CSMD1: variants seen among roughly 807,000 people sequenced by gnomAD.
The protein encoded by CSMD1 is CUB and Sushi multiple domains 1.
CSMD1 carries 213 observed loss-of-function variants against 417.5 expected under a neutral mutation model. The observed-to-expected ratio is 0.51, with a 90% CI of 0.46 to 0.57. The LOEUF is 0.57. CSMD1 is among the 20% of genes least tolerant of loss of function. The pLI is 0.00. For synonymous variants in CSMD1, 2,862 were observed against 1,736.8 expected (o/e 1.65, Z -16.11); for missense variants, 6,923 against 4,529.7 (o/e 1.53, Z -15.17).
At chr8:4,555,790 G>T (rs1798062788) in intron 2 of CSMD1, among the ~76,000 whole-genome samples, 1 of 152,068 alleles carries the variant, frequency 6.6e-6, no homozygotes, top group Non-Finnish European at 1.5e-5. Flanking sequence ...GAGATTGAAA[G>T]AAAATTAGAA....
At chr8:4,793,849 A>G (rs1321437033) in intron 1 of CSMD1, among the ~76,000 whole-genome samples, 2 of 149,376 alleles carry the variant, frequency 1.3e-5, no homozygotes, top group Non-Finnish European at 3.0e-5. Context: ...AAAAAAAAAA[A>G]AAAACTCCTC....
chr8:4,145,969 T>C (rs1714812), intron 3 of CSMD1, among the ~76,000 whole-genome samples: 30,463 of 150,794 alleles, frequency 0.2, 3,654 homozygotes, highest in East Asian at 0.3. Context: ...ACCGCTGTCA[T>C]TTGTAGACAG....
chr8:4,137,967 T>G (rs1354208813), intron 3 of CSMD1, among the ~76,000 whole-genome samples: 1 of 149,774 alleles, frequency 6.7e-6, no homozygotes, highest in East Asian at 2.0e-4. Context: ...AACCTCCATC[T>G]CCTCGGTTCA....
chr8:2,961,315 T>A (rs190868121), intron 61 of CSMD1, 101 bp from the exon 62 acceptor site: 1 of 586,258 alleles, frequency 1.7e-6, no homozygotes, highest in African/African-American at 1.9e-5. Flanking sequence ...GAGAAAATAT[T>A]GTTTTGAGAA....
At chr8:4,761,013 G>C (rs563187729) in intron 1 of CSMD1, among the ~76,000 whole-genome samples, 50 of 152,214 alleles carry the variant, frequency 3.3e-4, no homozygotes, top group African/African-American at 1.2e-3. Flanking sequence ...GTGAGTAGCA[G>C]TTTGGTGTCA....
intron 1 of CSMD1, among the ~76,000 whole-genome samples, chr8:4,877,175 T>A (rs527404589): frequency 1.3e-5 from 2 of 152,152 alleles, no homozygotes; most frequent in East Asian, 3.9e-4. Context: ...GATGTGTCTT[T>A]TGACAATGGC....
At chr8:3,905,758 C>G (rs1523259) in intron 5 of CSMD1, among the ~76,000 whole-genome samples, 106,908 of 152,130 alleles carry the variant, frequency 0.7, 38,236 homozygotes, top group South Asian at 0.81. Flanking sequence ...ATTGGATGCT[C>G]ATCACCCTAA....
rs530375506 is a variant in CSMD1, at chr8:4,850,497, A to G, written c.85+143835T>C. ...CTTCAGTCACATGACAATTGCAAAC[A>G]TTGGTTATTTTCCAAAATCTTCCAT... is the stretch of plus-strand genomic sequence containing the variant. On this transcript the variant is annotated intron_variant, in intron 1 of 69. Transcript: ENST00000635120. 2.0e-5 allele frequency among the ~76,000 whole-genome samples: 3 copies of G among 148,996 alleles called. No homozygotes were observed. The South Asian group carries it at 6.4e-4, about 32-fold the overall frequency.
In CSMD1 at chr8:2,942,582, G is replaced by C. The variant is rs1190183627; in HGVS notation, c.10425C>G (p.Asp3475Glu). Residue 3475 changes from aspartate to glutamate, a missense_variant, in exon 69 of 70, where the codon GAC becomes GAG. Transcript: ENST00000635120. ...TGGTGCCGTGGTAATGACTGGAAGA[G>C]TCTTGATCTGGGTTTAAAGGATCTG... is the stretch of plus-strand genomic sequence containing the variant. ...ERQDPLNPDQ[D>E]SSSHYHGTSS... 35 of 1,597,374 alleles carry C rather than the reference G, an allele frequency of 2.2e-5. No homozygotes were observed. The highest frequency in any genetic ancestry group is 2.9e-5 in the Non-Finnish European group (34 of 1,170,988).
intron 1 of CSMD1, among the ~76,000 whole-genome samples, chr8:4,780,095 C>A (rs1183152705): frequency 1.3e-5 from 2 of 152,166 alleles, no homozygotes; most frequent in African/African-American, 4.8e-5. Flanking sequence ...TATGATACAC[C>A]CGCGTTTTGT....
intron 8 of CSMD1, among the ~76,000 whole-genome samples, chr8:3,606,914 G>A (rs1006074299): frequency 6.6e-6 from 1 of 151,952 alleles, no homozygotes; most frequent in Non-Finnish European, 1.5e-5. Flanking sequence ...GTTTCACCAT[G>A]TTGGCCAGGA....
chr8:3,449,729 G>A (rs1254819467), intron 12 of CSMD1, among the ~76,000 whole-genome samples: 2 of 152,002 alleles, frequency 1.3e-5, no homozygotes, highest in Non-Finnish European at 2.9e-5. Flanking sequence ...TGTTGGTCAG[G>A]CCTGTCTCAA....
intron 18 of CSMD1, among the ~76,000 whole-genome samples, chr8:3,378,332 T>G (rs1001442864): frequency 6.6e-6 from 1 of 152,132 alleles, no homozygotes; most frequent in Admixed American, 6.6e-5. Flanking sequence ...AAAGAGGAGC[T>G]GGTACCATTC....
intron 41 of CSMD1, among the ~76,000 whole-genome samples, chr8:3,141,285 T>A (rs553198614): frequency 1.3e-5 from 2 of 152,312 alleles, no homozygotes; most frequent in South Asian, 2.1e-4. Flanking sequence ...GAGGAAATTA[T>A]GACAGTGAAA....
chr8:3,886,090 G>A (rs1484065189), intron 5 of CSMD1, among the ~76,000 whole-genome samples: 4 of 151,570 alleles, frequency 2.6e-5, no homozygotes, highest in East Asian at 3.9e-4. Flanking sequence ...TTGCTCTGTC[G>A]CCTATGCTGG....
chr8:4,757,748 C>G (rs1199829915), intron 1 of CSMD1, among the ~76,000 whole-genome samples: 1 of 151,922 alleles, frequency 6.6e-6, no homozygotes, highest in Non-Finnish European at 1.5e-5. Flanking sequence ...CACTTGAGGC[C>G]AGGAGTTTGA....
chr8:3,506,378 T>A lies in CSMD1; in HGVS notation c.1345-12652A>T, dbSNP rs764737938. Among the ~76,000 whole-genome samples the A allele has an allele frequency of 1.3e-5, 2 of 151,840 alleles. 1 individual carries two copies. The highest frequency in any genetic ancestry group is 2.9e-5 in the Non-Finnish European group (2 of 67,946). ...TGCATGCTAACAAGAACACTGGAGG[T>A]AGGGGAGTAAACACGTTTTTACACA... On this transcript the variant is annotated intron_variant, in intron 10 of 69. Coordinates refer to ENST00000635120, the MANE Select transcript of CSMD1 (RefSeq NM_033225.6).
chr8:4,534,721 G>C (rs1024742455), intron 2 of CSMD1, among the ~76,000 whole-genome samples: 1 of 152,030 alleles, frequency 6.6e-6, no homozygotes, highest in Non-Finnish European at 1.5e-5. Flanking sequence ...AGCTTGCTTA[G>C]GATTATGACC....
chr8:3,231,043 C>T (rs539005814), intron 26 of CSMD1, among the ~76,000 whole-genome samples: 9 of 152,204 alleles, frequency 5.9e-5, no homozygotes, highest in African/African-American at 1.9e-4. Flanking sequence ...ATGCAGCCAT[C>T]GACTCTGCCT....
Sources: gnomAD v4.1 joint callset for allele counts (sites outside exome capture counted in the v4.1 genomes callset) on GRCh38, gnomAD v4.1.1 for gene constraint, MANE v1.5 for transcripts, NCBI Gene and HGNC (gene_info 2026-07-23, HGNC 2026-07-21) for gene names.